PCNX2: variants seen among roughly 807,000 people sequenced by gnomAD.
PCNX2 encodes pecanex-like protein 2.
A neutral mutation model predicts 223.8 loss-of-function variants in PCNX2; 168 were observed. That is an observed-to-expected ratio of 0.75 (90% CI 0.66 to 0.85). The LOEUF (loss-of-function observed/expected upper bound fraction) is 0.85, where lower values mean the gene tolerates loss of function less well. Ranked by LOEUF, PCNX2 falls within the 40% of genes least tolerant of loss-of-function variation. The pLI, the probability that PCNX2 is intolerant of heterozygous loss-of-function variation, is 0.00. For missense variants in PCNX2, 2,507 were observed against 2,675.5 expected (o/e 0.94, Z 1.39); for synonymous variants, 1,006 against 1,052.6 (o/e 0.96, Z 0.86).
chr1:233,300,020 G>C (rs1662234245), upstream of PCNX2, among the ~76,000 whole-genome samples: 1 of 152,244 alleles, frequency 6.6e-6, no homozygotes, highest in East Asian at 1.9e-4. Flanking sequence ...AACCCAAAGT[G>C]CTTGTACTTC....
chr1:233,234,607 G>A (rs900226860), intron 9 of PCNX2, among the ~76,000 whole-genome samples: 3 of 151,240 alleles, frequency 2.0e-5, no homozygotes, highest in Admixed American at 6.6e-5. Flanking sequence ...CTGCTCTAAC[G>A]GGGATATTTT....
At chr1:233,279,271 T>G (rs1008124968) in intron 1 of PCNX2, among the ~76,000 whole-genome samples, 5 of 152,184 alleles carry the variant, frequency 3.3e-5, no homozygotes, top group Admixed American at 2.0e-4. Context: ...CAGGCTGGAG[T>G]GCAGTGGCAT....
At chr1:233,235,224 A>C (rs147595250) in intron 9 of PCNX2, among the ~76,000 whole-genome samples, 29 of 152,324 alleles carry the variant, frequency 1.9e-4, no homozygotes, top group African/African-American at 7.0e-4. Flanking sequence ...GATTCTTTGA[A>C]TAAATTAAAC....
chr1:233,069,140 G>A (rs1350128277), intron 23 of PCNX2, among the ~76,000 whole-genome samples: 2 of 152,034 alleles, frequency 1.3e-5, no homozygotes, highest in Admixed American at 1.3e-4. Flanking sequence ...ATGATAGGAC[G>A]GTTGATCCAC....
At position 233,173,260 on chromosome 1, in the gene PCNX2, G is replaced by A. The variant is rs1308309885; in HGVS notation, c.3273+4542C>T. On this transcript the variant is annotated intron_variant, in intron 17 of 33. Coordinates refer to ENST00000258229, the MANE Select transcript of PCNX2 (RefSeq NM_014801.4). ...GATCTCGCTGCAACCTCCACCTCCC[G>A]GGTTCAAGTGATTCTCCTGCCTCAG... Among the ~76,000 whole-genome samples, 6 of 151,584 alleles carry A rather than the reference G, an allele frequency of 4.0e-5. No homozygotes were observed. In the East Asian group the frequency reaches 7.7e-4, roughly 20 times the overall value.
chr1:233,236,901 G>C lies in PCNX2; in HGVS notation c.2302C>G (p.Leu768Val). ...ACCATCAGTAACAGCTGTTGCTGAA[G>C]GGCACTGACGGCAGGGTCCCCAGAA... The part of the protein sequence containing the change: ...PSSGDPAVSA[L>V]QQQLLLMVAR... The change falls in exon 9 of 34, where the codon CTT (leucine) becomes GTT (valine). Residue 768 changes from leucine to valine, a missense_variant. Coordinates refer to ENST00000258229, the MANE Select transcript of PCNX2 (RefSeq NM_014801.4). 1 of 1,614,002 alleles carries C rather than the reference G, an allele frequency of 6.2e-7. No homozygotes were observed. The highest frequency in any genetic ancestry group is 8.5e-7 in the Non-Finnish European group (1 of 1,179,874).
intron 10 of PCNX2, among the ~76,000 whole-genome samples, chr1:233,220,537 T>G (rs527633640): frequency 6.6e-5 from 10 of 152,292 alleles, no homozygotes; most frequent in Admixed American, 5.9e-4. Flanking sequence ...TAAGGACTAT[T>G]GATGTTGAAT....
intron 20 of PCNX2, among the ~76,000 whole-genome samples, chr1:233,138,588 A>T (rs1220186689): frequency 6.6e-6 from 1 of 152,172 alleles, no homozygotes; most frequent in African/African-American, 2.4e-5. Flanking sequence ...CAAAGTTCTA[A>T]ATTCTGGTCA....
At chr1:233,307,899 G>A in the PCNX2 span, among the ~76,000 whole-genome samples, 1 of 152,150 alleles carries the variant, frequency 6.6e-6, no homozygotes, top group Non-Finnish European at 1.5e-5. Flanking sequence ...AAGCAAAACA[G>A]TCACTTAAGC....
chr1:233,159,852 A>C (rs1034564772), intron 19 of PCNX2, among the ~76,000 whole-genome samples: 3 of 152,154 alleles, frequency 2.0e-5, no homozygotes, highest in African/African-American at 4.8e-5. Flanking sequence ...AGGAGTGTGT[A>C]AAGTTATTGG....
intron 12 of PCNX2, among the ~76,000 whole-genome samples, chr1:233,209,810 CT>C (rs1681720624): frequency 6.6e-6 from 1 of 152,120 alleles, no homozygotes; most frequent in Non-Finnish European, 1.5e-5. Context: ...TATGGGAATA[CT>C]TTTGTTGCAT....
the PCNX2 span, among the ~76,000 whole-genome samples, chr1:233,311,046 C>T: frequency 1.3e-5 from 2 of 152,206 alleles, no homozygotes; most frequent in African/African-American, 4.8e-5. Context: ...CAGGAAGCCG[C>T]AAGTTATGCT....
At chr1:233,138,687 T>G (rs1676945099) in intron 20 of PCNX2, among the ~76,000 whole-genome samples, 1 of 152,226 alleles carries the variant, frequency 6.6e-6, no homozygotes, top group Admixed American at 6.5e-5. Flanking sequence ...AATTCTCATC[T>G]CTGGATTTGA....
chr1:233,222,089 A>T (rs1168238401), intron 10 of PCNX2, among the ~76,000 whole-genome samples: 1 of 152,190 alleles, frequency 6.6e-6, no homozygotes, highest in Non-Finnish European at 1.5e-5. Flanking sequence ...ACCAGGCGAG[A>T]GAAAAGGTGA....
At chr1:233,149,774 A>T (rs1677685362) in intron 19 of PCNX2, among the ~76,000 whole-genome samples, 1 of 152,154 alleles carries the variant, frequency 6.6e-6, no homozygotes, top group Non-Finnish European at 1.5e-5. Context: ...ATCTCCGTTT[A>T]GGATGAACCC....
At chr1:232,993,609 T>A (rs1669778339) in intron 32 of PCNX2, among the ~76,000 whole-genome samples, 1 of 152,164 alleles carries the variant, frequency 6.6e-6, no homozygotes, top group Non-Finnish European at 1.5e-5. Flanking sequence ...GCTGCAGAAA[T>A]TTGCATAAGT....
intron 23 of PCNX2, among the ~76,000 whole-genome samples, chr1:233,086,523 TAGTC>T (rs1398883284): frequency 6.6e-6 from 1 of 150,854 alleles, no homozygotes; most frequent in Non-Finnish European, 1.5e-5. Context: ...AAAAAAAAAT[TAGTC>T]AGGCGTGGTG....
intron 10 of PCNX2, 48 bp from the exon 11 acceptor site, chr1:233,218,232 A>AG: frequency 1.1e-6 from 1 of 913,414 alleles, no homozygotes; most frequent in South Asian, 1.7e-5. Context: ...AAAAAAAAAA[A>AG]GTGTAAGTTT....
intron 26 of PCNX2, among the ~76,000 whole-genome samples, chr1:233,021,502 GA>G (rs61479030): frequency 0.23 from 35,292 of 151,776 alleles, 6,376 homozygotes; most frequent in African/African-American, 0.51. Context: ...CTCAAAAAAA[GA>G]AAAAAAAGTC....
Sources: allele counts gnomAD v4.1 joint callset (sites outside exome capture counted in the v4.1 genomes callset), GRCh38; gene constraint gnomAD v4.1.1; transcripts MANE v1.5; gene names NCBI Gene and HGNC (gene_info 2026-07-23, HGNC 2026-07-21).